NEDD4L: variants seen among roughly 807,000 people sequenced by gnomAD.
NEDD4L encodes E3 ubiquitin-protein ligase NEDD4-like.
A neutral mutation model predicts 148.9 loss-of-function variants in NEDD4L; 54 were observed. That is an observed-to-expected ratio of 0.36 (90% confidence interval 0.29 to 0.45). The LOEUF (loss-of-function observed/expected upper bound fraction) is 0.45. NEDD4L is among the 20% of genes least tolerant of loss of function. NEDD4L has a pLI of 1.00. For missense variants in NEDD4L, 856 were observed against 1,233.8 expected, an observed-to-expected ratio of 0.69 and a Z score of 4.59; for synonymous variants, 433 against 440.7, an observed-to-expected ratio of 0.98 and a Z score of 0.22.
intron 14 of NEDD4L, among the ~76,000 whole-genome samples, 154 bp downstream of exon 14, chr18:58,341,323 T>C (rs2042393971): frequency 6.6e-6 from 1 of 152,222 alleles, no homozygotes; most frequent in African/African-American, 2.4e-5. Context: ...AATACAATAA[T>C]AGCCTAAGGA....
intron 14 of NEDD4L, 82 bp downstream of exon 14, chr18:58,341,251 T>G: frequency 1.4e-6 from 2 of 1,477,038 alleles, no homozygotes; most frequent in Non-Finnish European, 9.1e-7. Context: ...CTGGTGTTTA[T>G]GTATTGTTCT....
At chr18:58,383,058 G>A (rs1178179100) in intron 24 of NEDD4L, among the ~76,000 whole-genome samples, 188 bp from the exon 25 acceptor site, 1 of 152,168 alleles carries the variant, frequency 6.6e-6, no homozygotes, top group African/African-American at 2.4e-5. Flanking sequence ...TTTAATGATA[G>A]CATCTTTAAC....
At chr18:58,370,780 C>G (rs1023052013) in intron 23 of NEDD4L, among the ~76,000 whole-genome samples, 4 of 152,204 alleles carry the variant, frequency 2.6e-5, no homozygotes, top group Non-Finnish European at 5.9e-5. Context: ...CCTGTGTTTT[C>G]TATAAAAACT....
intron 12 of NEDD4L, 35 bp from the exon 13 acceptor site, chr18:58,335,443 A>G (rs1268768272): frequency 1.3e-6 from 2 of 1,577,482 alleles, no homozygotes; most frequent in Admixed American, 1.7e-5. Flanking sequence ...GTCATCCCCT[A>G]AGTGCATTTC....
chr18:58,137,424 G>A (rs965631812), intron 1 of NEDD4L, among the ~76,000 whole-genome samples: 1 of 152,220 alleles, frequency 6.6e-6, no homozygotes, highest in Non-Finnish European at 1.5e-5. Context: ...GCTCAGCTCT[G>A]TGAGGTCGAG....
At chr18:58,063,949 CTTTTTTTTTTTTTTTTTTTT>C (rs58608106) in intron 1 of NEDD4L, among the ~76,000 whole-genome samples, 1 of 129,830 alleles carries the variant, frequency 7.7e-6, no homozygotes, top group African/African-American at 3.1e-5. Context: ...TATAATGTTT[CTTTTTTTTTTTTTTTTTTTT>C]TTTTTTTTTT....
intron 13 of NEDD4L, among the ~76,000 whole-genome samples, chr18:58,336,382 C>A (rs2041765299): frequency 6.6e-6 from 1 of 151,980 alleles, no homozygotes; most frequent in Admixed American, 6.6e-5. Context: ...TCGAGACCAT[C>A]CTGGCTAACA....
chr18:58,228,204 C>T (rs2044606432), intron 2 of NEDD4L, among the ~76,000 whole-genome samples: 1 of 152,178 alleles, frequency 6.6e-6, no homozygotes, highest in Non-Finnish European at 1.5e-5. Flanking sequence ...AAGGCATGGC[C>T]CTGTTCGCAA....
intron 1 of NEDD4L, among the ~76,000 whole-genome samples, chr18:58,092,981 C>T (rs2084174179): frequency 6.6e-6 from 1 of 151,964 alleles, no homozygotes; most frequent in African/African-American, 2.4e-5. Flanking sequence ...CTGCCTCAGC[C>T]TTCCGAGTAG....
At chr18:58,358,377 T>C (rs531104811) in intron 19 of NEDD4L, among the ~76,000 whole-genome samples, 2 of 152,346 alleles carry the variant, frequency 1.3e-5, no homozygotes, top group South Asian at 2.1e-4. Context: ...CCTTTTGATA[T>C]ATATATATTC....
intron 2 of NEDD4L, among the ~76,000 whole-genome samples, chr18:58,230,245 A>G (rs899723611): frequency 2.0e-5 from 3 of 152,152 alleles, no homozygotes; most frequent in East Asian, 1.9e-4. Flanking sequence ...GTCCTCAAAC[A>G]TTAGTATTTC....
intron 1 of NEDD4L, among the ~76,000 whole-genome samples, chr18:58,131,274 G>A (rs552585864): frequency 6.6e-6 from 1 of 151,454 alleles, no homozygotes; most frequent in African/African-American, 2.4e-5. Context: ...GGCGGTGTTG[G>A]GCTCTGTGGG....
At chr18:58,129,342 G>A (rs143229088) in intron 1 of NEDD4L, among the ~76,000 whole-genome samples, 97 of 152,342 alleles carry the variant, frequency 6.4e-4, no homozygotes, top group African/African-American at 2.3e-3. Flanking sequence ...GCCTCAGTGT[G>A]TGGACTGTCC....
chr18:58,304,339 G>A (rs1600947733), intron 5 of NEDD4L, among the ~76,000 whole-genome samples: 1 of 139,562 alleles, frequency 7.2e-6, no homozygotes, highest in East Asian at 2.1e-4. Context: ...ACAAGACCCT[G>A]TCTCTACAAA....
At chr18:58,165,367 T>C (rs532725222) in intron 1 of NEDD4L, among the ~76,000 whole-genome samples, 3 of 152,364 alleles carry the variant, frequency 2.0e-5, no homozygotes, top group Non-Finnish European at 4.4e-5. Context: ...CACATTAAAT[T>C]CTTTTCTATT....
At position 58,066,387 on chromosome 18, in the gene NEDD4L, G is replaced by GTTTTTTTTTTT. The variant is rs368243667; in HGVS notation, c.48+21692_48+21702dup. Reference sequence around the variant, plus strand: ...GTAAATTTAGATCCACTCTGTATTAGTTTTTTTTTTTTTTTTTTTTTTTAA... The same window carrying GTTTTTTTTTTT: ...GTAAATTTAGATCCACTCTGTATTAGTTTTTTTTTTTTTTTTTTTTTTTTTTTTTTTTTTAA... On this transcript the variant is annotated intron_variant, in intron 1 of 30. Coordinates refer to ENST00000400345, the MANE Select transcript of NEDD4L (RefSeq NM_001144967.3). Among the ~76,000 whole-genome samples, 67 of 112,106 alleles carry GTTTTTTTTTTT rather than the reference G, an allele frequency of 6.0e-4. 1 individual carries two copies. Among genetic ancestry groups the GTTTTTTTTTTT allele is most frequent in the East Asian group, 7.0e-4 (2 of 2,856 alleles). 73.5% of individuals were successfully genotyped at this position (112,106 alleles called of 152,430 possible).
intron 8 of NEDD4L, 104 bp downstream of exon 8, chr18:58,323,438 A>G: frequency 1.4e-6 from 1 of 707,170 alleles, no homozygotes; most frequent in East Asian, 2.8e-5. Flanking sequence ...AAGCTTAAAT[A>G]TAAAAAAAAG....
At chr18:58,191,435 T>C (rs2040107164) in intron 2 of NEDD4L, among the ~76,000 whole-genome samples, 1 of 152,218 alleles carries the variant, frequency 6.6e-6, no homozygotes, top group Non-Finnish European at 1.5e-5. Context: ...AGGGCCTGGC[T>C]TTTGATGGCC....
chr18:58,267,191 G>C (rs2050338950), intron 5 of NEDD4L, among the ~76,000 whole-genome samples: 1 of 152,056 alleles, frequency 6.6e-6, no homozygotes, highest in Non-Finnish European at 1.5e-5. Flanking sequence ...TGCTCCTGAA[G>C]TTAACATAGT....
Sources: gnomAD v4.1 joint callset for allele counts (sites outside exome capture counted in the v4.1 genomes callset) on GRCh38, gnomAD v4.1.1 for gene constraint, MANE v1.5 for transcripts, NCBI Gene and HGNC (gene_info 2026-07-23, HGNC 2026-07-21) for gene names.